The following LMAN1 variants were observed in gnomAD, a reference collection of about 807,000 sequenced individuals.
LMAN1 encodes lectin, mannose binding 1.
Under a neutral mutation model 67.8 loss-of-function variants are expected in LMAN1, and 32 were observed. The observed-to-expected ratio is 0.47, with a 90% CI of 0.36 to 0.63. The LOEUF (loss-of-function observed/expected upper bound fraction) is 0.63. Ranked by LOEUF, LMAN1 falls within the 30% of genes least tolerant of loss-of-function variation. The probability of loss-of-function intolerance (pLI) is 0.00; values close to 1 mark genes in which losing one functional copy is unlikely to be tolerated. For missense variants in LMAN1, 632 were observed against 628.2 expected (o/e 1.01, Z -0.06); for synonymous variants, 235 against 219.3 (o/e 1.07, Z -0.63).
At chr18:59,357,880 T>G (rs1274232657) in intron 1 of LMAN1, among the ~76,000 whole-genome samples, 1 of 150,964 alleles carries the variant, frequency 6.6e-6, no homozygotes, top group Non-Finnish European at 1.5e-5. Context: ...AATGACTAGT[T>G]AATGGGTGCA....
Position 59,355,649 on chromosome 18 carries a change from G to A in LMAN1, c.224C>T (p.Pro75Leu). ...TGCTACTCGAATTTGATCTGAACTT[G>A]GAATAGCATCTAGAACAGAAATCAG... is the stretch of plus-strand genomic sequence containing the variant. ...PFWAHAGNAI[P>L]SSDQIRVAPS... The change falls in exon 2 of 13, where the codon CCA becomes CTA. Residue 75 changes from proline (P) to leucine (L), a missense_variant. Physicochemically the swap from Pro to Leu is moderately conservative, Grantham distance 98 (BLOSUM62 -3). Transcript: ENST00000251047. 1.2e-6 allele frequency: 2 copies of A among 1,613,598 alleles called. No individual in the cohort carries two copies. The highest frequency in any genetic ancestry group is 2.2e-5 in the South Asian group (2 of 91,054).
chr18:59,347,182 T>C (rs1278300034), intron 7 of LMAN1, among the ~76,000 whole-genome samples: 1 of 149,586 alleles, frequency 6.7e-6, no homozygotes, highest in Non-Finnish European at 1.5e-5. Context: ...AACCTCTCGC[T>C]CCCAGGTTCA....
intron 1 of LMAN1, among the ~76,000 whole-genome samples, chr18:59,357,123 A>G (rs1009517063): frequency 2.0e-5 from 3 of 152,214 alleles, no homozygotes; most frequent in Non-Finnish European, 4.4e-5. Flanking sequence ...TACAGTGACA[A>G]TGAAAGCAAG....
In LMAN1 at chr18:59,345,918, C is replaced by T; in HGVS notation, c.955+1G>A. 2 of 1,613,988 alleles carry T rather than the reference C, an allele frequency of 1.2e-6. No individual in the cohort carries two copies. The highest frequency in any genetic ancestry group is 1.7e-6 in the Non-Finnish European group (2 of 1,180,038). The stretch of plus-strand genomic sequence containing the variant: ...CCCATGTCAGCTTTGCTACAACTCA[C>T]CAGGCTGCCCTTGGAGGTCGGGGTG... On this transcript the variant is annotated splice_donor_variant, in intron 8 of 12. Transcript: ENST00000251047. LOFTEE classifies it high-confidence loss of function.
intron 7 of LMAN1, 45 bp downstream of exon 7, chr18:59,347,468 G>T (rs751752915): frequency 7.4e-7 from 1 of 1,353,992 alleles, no homozygotes; most frequent in South Asian, 1.2e-5. Context: ...TCAGCTAAAA[G>T]GCAAACTAAA....
chr18:59,337,510 G>C (rs941416939), intron 10 of LMAN1, among the ~76,000 whole-genome samples: 4 of 152,156 alleles, frequency 2.6e-5, no homozygotes, highest in Non-Finnish European at 5.9e-5. Context: ...ATAAATTAGA[G>C]AAAGATGGGT....
intron 6 of LMAN1, among the ~76,000 whole-genome samples, chr18:59,348,300 T>A (rs902545221): frequency 6.6e-6 from 1 of 152,190 alleles, no homozygotes; most frequent in Non-Finnish European, 1.5e-5. Flanking sequence ...GTAGACAGAT[T>A]AAAAAGAAAA....
rs965324635 is a variant in LMAN1, at chr18:59,345,986, A to C, written c.888T>G (p.Phe296Leu). 2 of 1,613,720 alleles carry C rather than the reference A, an allele frequency of 1.2e-6. No individual in the cohort carries two copies. Among genetic ancestry groups the C allele is most frequent in the African/African-American group, 1.3e-5 (1 of 74,854 alleles). Residue 296 changes from phenylalanine (F) to leucine (L), a missense_variant, in exon 8 of 13, where the codon TTT (phenylalanine) becomes TTG (leucine). Coordinates refer to ENST00000251047, the MANE Select transcript of LMAN1 (RefSeq NM_005570.4). ...CTTTTTTTTTATCCAATTCTTGTTG[A>C]AAGTGCTCAAATTCCTCCTGATACT... ...KEKYQEEFEH[F>L]QQELDKKKEE...
At chr18:59,345,059 C>G (rs1908369352) in intron 8 of LMAN1, among the ~76,000 whole-genome samples, 1 of 152,206 alleles carries the variant, frequency 6.6e-6, no homozygotes. Context: ...ACACTAAAGT[C>G]AGCTTCAGGA....
At chr18:59,358,873 C>G (rs552881685) in intron 1 of LMAN1, among the ~76,000 whole-genome samples, 158 bp downstream of exon 1, 2 of 152,160 alleles carry the variant, frequency 1.3e-5, no homozygotes, top group Admixed American at 6.5e-5. Flanking sequence ...CAGGAGGGAC[C>G]CGGCGGAGGG....
At position 59,350,534 on chromosome 18, in the gene LMAN1, G is replaced by A. The variant is rs192447347; in HGVS notation, c.640-1298C>T. Among the ~76,000 whole-genome samples, 24 of 151,976 alleles carry A rather than the reference G, an allele frequency of 1.6e-4. 1 individual carries two copies. In the East Asian group the frequency reaches 2.7e-3, roughly 17 times the overall value. ...TTTTGAGACAGGGTCTCGCTCTGTC[G>A]CCCAGGCTGGAGTGCAGTGGTGTGA... On this transcript the variant is annotated intron_variant, in intron 5 of 12. Transcript: ENST00000251047.
At chr18:59,333,306 G>A (rs749486614) in intron 10 of LMAN1, 62 bp from the exon 11 acceptor site, 41 of 1,259,344 alleles carry the variant, frequency 3.3e-5, no homozygotes, top group Non-Finnish European at 4.5e-5. Flanking sequence ...TTCAGTCACA[G>A]ATCTCCAATA....
intron 10 of LMAN1, among the ~76,000 whole-genome samples, chr18:59,337,018 T>G (rs1908174298): frequency 6.6e-6 from 1 of 151,688 alleles, no homozygotes; most frequent in Non-Finnish European, 1.5e-5. Flanking sequence ...AAATGGATAC[T>G]TACATAGTCT....
chr18:59,359,011 A>G lies in LMAN1; in HGVS notation c.214+20T>C. The G allele has an allele frequency of 6.2e-7, 1 of 1,610,696 alleles. No homozygotes were observed. Among genetic ancestry groups the G allele is most frequent in the Middle Eastern group, 1.7e-4 (1 of 5,782 alleles). ...GAAGGGGGAGAGGAACCCGGCCCCC[A>G]GCCCTCTGCTCCGGCTTACTCCCCG... is the stretch of plus-strand genomic sequence containing the variant. On this transcript the variant is annotated intron_variant, in intron 1 of 12. Coordinates refer to ENST00000251047, the MANE Select transcript of LMAN1 (RefSeq NM_005570.4).
Position 59,331,445 on chromosome 18 carries a change from ACAGTT to A in LMAN1, c.1464_1468del (p.Gln488HisfsTer10). 6.2e-7 allele frequency: 1 copy of A among 1,609,384 alleles called. No homozygotes were observed. The highest frequency in any genetic ancestry group is 8.5e-7 in the Non-Finnish European group (1 of 1,175,900). On this transcript the variant is annotated frameshift_variant, in exon 12 of 13. Coordinates refer to ENST00000251047, the MANE Select transcript of LMAN1 (RefSeq NM_005570.4). LOFTEE classifies it high-confidence loss of function. ...ATACATGATATAACCAATGAATAATACAGTTTGCACCACAACAAATATAATGAAGT... is the reference window on the plus strand; with the variant it reads ...ATACATGATATAACCAATGAATAATATGCACCACAACAAATATAATGAAGT...
At position 59,347,240 on chromosome 18, in the gene LMAN1, G is replaced by A. The variant is rs1473421616; in HGVS notation, c.822+273C>T. 6.8e-5 allele frequency among the ~76,000 whole-genome samples: 10 copies of A among 146,402 alleles called. No homozygotes were observed. In the East Asian group the frequency reaches 1.7e-3, roughly 25 times the overall value. On this transcript the variant is annotated intron_variant, in intron 7 of 12. Coordinates refer to ENST00000251047, the MANE Select transcript of LMAN1 (RefSeq NM_005570.4). ...CCCGAGTAGCTGGAACTACAGGTGTGAACCCGGGAGGCGGAGCTTGCAGAG... is the reference window on the plus strand; with the variant it reads ...CCCGAGTAGCTGGAACTACAGGTGTAAACCCGGGAGGCGGAGCTTGCAGAG...
intron 1 of LMAN1, among the ~76,000 whole-genome samples, chr18:59,356,688 G>GA (rs1346022523): frequency 1.3e-5 from 2 of 152,188 alleles, no homozygotes; most frequent in Non-Finnish European, 2.9e-5. Context: ...GGGCATCATG[G>GA]AAAGAGACTG....
intron 10 of LMAN1, 140 bp downstream of exon 10, chr18:59,338,417 C>G: frequency 1.4e-6 from 1 of 710,944 alleles, no homozygotes; most frequent in Non-Finnish European, 2.5e-6. Context: ...TATTTATGGT[C>G]CCCTATTTGT....
Position 59,353,258 on chromosome 18 carries a change from G to A in LMAN1, c.583C>T (p.Arg195Cys), listed in dbSNP as rs1206705994. 6 of 1,613,966 alleles carry A rather than the reference G, an allele frequency of 3.7e-6. No homozygotes were observed. The highest frequency in any genetic ancestry group is 1.3e-5 in the African/African-American group (1 of 74,906). Residue 195 changes from arginine to cysteine, a missense_variant, in exon 5 of 13, where the codon CGC becomes TGC. Coordinates refer to ENST00000251047, the MANE Select transcript of LMAN1 (RefSeq NM_005570.4). Reference protein sequence around the residue: ...QALASCQRDFRNKPYPVRAKI... With the variant: ...QALASCQRDFCNKPYPVRAKI... Reference sequence around the variant, plus strand: ...GCTCGGACAGGATAGGGTTTGTTGCGGAAGTCCCTCTGGCAACTTGCCAAA... The same window carrying A: ...GCTCGGACAGGATAGGGTTTGTTGCAGAAGTCCCTCTGGCAACTTGCCAAA...
Sources: allele counts gnomAD v4.1 joint callset (sites outside exome capture counted in the v4.1 genomes callset), GRCh38; gene constraint gnomAD v4.1.1; transcripts MANE v1.5; gene names NCBI Gene and HGNC (gene_info 2026-07-23, HGNC 2026-07-21).